Variants in PCDHA3 observed in about 807,000 individuals in gnomAD.
The protein encoded by PCDHA3 is protocadherin alpha 3, also known as protocadherin alpha-3.
Under a neutral mutation model 62.2 loss-of-function variants are expected in PCDHA3, and 41 were observed. The ratio of observed to expected loss-of-function variants is 0.66; its 90% confidence interval spans 0.51 to 0.86. The LOEUF (loss-of-function observed/expected upper bound fraction) is 0.86. PCDHA3 is among the 40% of genes least tolerant of loss of function. The pLI, the probability that PCDHA3 is intolerant of heterozygous loss-of-function variation, is 0.00. For missense variants in PCDHA3, 1,304 were observed against 1,241.2 expected (o/e 1.05, Z -0.76); for synonymous variants, 640 against 555.4 (o/e 1.15, Z -2.14).
intron 3 of PCDHA3, among the ~76,000 whole-genome samples, chr5:140,987,781 A>G (rs2097267961): frequency 6.6e-6 from 1 of 152,208 alleles, no homozygotes; most frequent in East Asian, 1.9e-4. Context: ...AGAATCTGCT[A>G]TAGAGAAGAT....
chr5:140,867,581 T>C (rs1322597888), intron 1 of PCDHA3: 1 of 152,170 alleles, frequency 6.6e-6, no homozygotes, highest in Non-Finnish European at 1.5e-5. Context: ...GCCCTTGCAG[T>C]ATTTTTAGAT....
intron 1 of PCDHA3, among the ~76,000 whole-genome samples, chr5:140,953,761 A>C (rs1016551787): frequency 6.6e-6 from 1 of 152,202 alleles, no homozygotes; most frequent in Non-Finnish European, 1.5e-5. Flanking sequence ...TCCAAGAATT[A>C]AATTTAATAT....
At chr5:140,927,318 C>T (rs149532133) in intron 1 of PCDHA3, 18,448 of 1,614,194 alleles carry the variant, frequency 0.011, 218 homozygotes, top group South Asian at 0.039. Flanking sequence ...CCGGAGCCCG[C>T]TTTACTCTCC....
intron 1 of PCDHA3, chr5:140,877,301 A>G: frequency 1.2e-6 from 2 of 1,613,876 alleles, no homozygotes. Context: ...CTGTCCTACG[A>G]GTTGCAACCG....
At chr5:140,858,769 A>T in intron 1 of PCDHA3, 1 of 441,686 alleles carries the variant, frequency 2.3e-6, no homozygotes, top group Non-Finnish European at 4.1e-6. Flanking sequence ...TATTTGTGAG[A>T]TTAGTACTTC....
chr5:140,882,929 G>A, intron 1 of PCDHA3: 1 of 1,614,160 alleles, frequency 6.2e-7, no homozygotes, highest in Non-Finnish European at 8.5e-7. Context: ...AGGTAAACCC[G>A]AGCTGACTGG....
rs782438161 is a variant in PCDHA3, at chr5:140,803,095, C to T, written c.1898C>T (p.Thr633Met). 1 of 1,613,880 alleles carries T rather than the reference C, an allele frequency of 6.2e-7. No individual in the cohort carries two copies. Residue 633 changes from threonine to methionine, a missense_variant, in exon 1 of 4, where the codon ACG becomes ATG. Coordinates refer to ENST00000522353, the MANE Select transcript of PCDHA3 (RefSeq NM_018906.3). Reference protein sequence around the residue: ...RVGLYTGEISTTRALDEVDAP... With the variant: ...RVGLYTGEISMTRALDEVDAP... ...GGGCTGTACACGGGAGAGATCAGCA[C>T]GACCCGTGCCCTGGACGAGGTGGAC...
At chr5:140,841,052 T>A (rs114871325) in intron 1 of PCDHA3, 33 of 431,510 alleles carry the variant, frequency 7.6e-5, no homozygotes, top group Middle Eastern at 1.2e-3. Context: ...GGATTTACTA[T>A]TAAATTATGA....
intron 1 of PCDHA3, chr5:140,884,516 T>C: frequency 6.2e-7 from 1 of 1,613,960 alleles, no homozygotes; most frequent in South Asian, 1.1e-5. Context: ...GAGTTGGTCG[T>C]ACTCGCAGCA....
chr5:140,979,076 C>T, intron 2 of PCDHA3, 69 bp downstream of exon 2: 1 of 1,584,068 alleles, frequency 6.3e-7, no homozygotes, highest in Non-Finnish European at 8.6e-7. Flanking sequence ...AACTGCATCT[C>T]CATAGGCCAG....
Position 140,838,280 on chromosome 5 carries a change from AT to A in PCDHA3, c.2394+34704del, listed in dbSNP as rs2150286950. On this transcript the variant is annotated intron_variant, in intron 1 of 3. Transcript: ENST00000522353. ...AGACGCCAACAACCAAGCCATGCTAATTTTTTTTTTTTTTTGTATTTTTAGT... is the reference window on the plus strand; with the variant it reads ...AGACGCCAACAACCAAGCCATGCTAATTTTTTTTTTTTTTGTATTTTTAGT... 8.7e-4 allele frequency among the ~76,000 whole-genome samples: 122 copies of A among 139,548 alleles called. 1 individual carries two copies. The highest frequency in any genetic ancestry group is 4.8e-3 in the South Asian group (21 of 4,398). The allele number at this position is 139,548 out of a possible 152,430, so 91.5% of individuals were successfully genotyped here. A position where few individuals can be genotyped will look rare whatever the true frequency, so the allele number is the denominator to read the frequency against.
At chr5:140,815,238 G>A (rs1765681734) in intron 1 of PCDHA3, 1 of 151,936 alleles carries the variant, frequency 6.6e-6, no homozygotes, top group African/African-American at 2.4e-5. Flanking sequence ...GTTAATTGTT[G>A]TTTGCAGCTT....
intron 2 of PCDHA3, among the ~76,000 whole-genome samples, chr5:140,981,838 C>T (rs916108739): frequency 3.9e-5 from 6 of 152,086 alleles, no homozygotes; most frequent in Admixed American, 6.6e-5. Context: ...AAAGGTCTCC[C>T]AGTTTGTATC....
Position 140,801,298 on chromosome 5 carries a change from C to T in PCDHA3, c.101C>T (p.Ser34Phe), listed in dbSNP as rs782102566. The change falls in exon 1 of 4, where the codon TCC becomes TTC. Residue 34 changes from serine (S) to phenylalanine (F), a missense_variant. Ser to Phe is a radical substitution (Grantham distance 155). Transcript: ENST00000522353. ...SEVGSGQLHY[S>F]VSEEAKHGTF... ...GTGGGGAGCGGCCAGCTCCACTACT[C>T]CGTCTCTGAGGAGGCCAAGCATGGC... The T allele has an allele frequency of 6.2e-7, 1 of 1,613,480 alleles. No individual in the cohort carries two copies. The highest frequency in any genetic ancestry group is 2.2e-5 in the East Asian group (1 of 44,890).
Position 140,802,193 on chromosome 5 carries a change from T to C in PCDHA3, c.996T>C (p.Asp332=), listed in dbSNP as rs548656877. The part of the protein sequence containing the change: ...ATDKGNPPMS[D]HCTVLLEIVD... The stretch of plus-strand genomic sequence containing the variant: ...ATAAAGGAAATCCCCCAATGTCAGA[T>C]CACTGCACAGTTCTACTCGAAATTG... The change falls in exon 1 of 4, where the codon GAT becomes GAC. Residue 332 remains aspartate (D), a synonymous_variant. Transcript: ENST00000522353. 6.2e-7 allele frequency: 1 copy of C among 1,614,208 alleles called. No individual in the cohort carries two copies. Among genetic ancestry groups the C allele is most frequent in the African/African-American group, 1.3e-5 (1 of 75,056 alleles).
chr5:140,858,019 G>A (rs377389644), intron 1 of PCDHA3: 1 of 1,596,850 alleles, frequency 6.3e-7, no homozygotes, highest in Non-Finnish European at 8.6e-7. Flanking sequence ...GCGAGCCGTC[G>A]CTGACGGCCA....
chr5:140,969,214 A>G (rs906572071), intron 1 of PCDHA3: 5 of 1,614,194 alleles, frequency 3.1e-6, no homozygotes, highest in Non-Finnish European at 4.2e-6. Context: ...CCCAGACAGG[A>G]CCAGGGCCTT....
At chr5:140,978,851 C>T (rs2096826375) in intron 1 of PCDHA3, 98 bp from the exon 2 acceptor site, 2 of 1,578,528 alleles carry the variant, frequency 1.3e-6, no homozygotes, top group South Asian at 2.3e-5. Flanking sequence ...TTTTTAGATG[C>T]CTGGAAATAT....
chr5:140,830,729 T>C, intron 1 of PCDHA3: 1 of 215,658 alleles, frequency 4.6e-6, no homozygotes, highest in Non-Finnish European at 9.1e-6. Context: ...AAAATATTCT[T>C]GGATATGTCG....
Sources: allele counts gnomAD v4.1 joint callset (sites outside exome capture counted in the v4.1 genomes callset), GRCh38; gene constraint gnomAD v4.1.1; transcripts MANE v1.5; gene names NCBI Gene and HGNC (gene_info 2026-07-23, HGNC 2026-07-21).